ATP1A3: variants seen among roughly 807,000 people sequenced by gnomAD.
ATP1A3 encodes ATPase Na+/K+ transporting subunit alpha 3.
Under a neutral mutation model 108.8 loss-of-function variants are expected in ATP1A3, and 12 were observed. The ratio of observed to expected loss-of-function variants is 0.11; its 90% CI spans 0.07 to 0.18. The LOEUF is 0.18. Ranked by LOEUF, ATP1A3 falls within the 10% of genes least tolerant of loss-of-function variation. ATP1A3 has a pLI of 1.00. For missense variants in ATP1A3, 498 were observed against 1,387.7 expected, an observed-to-expected ratio of 0.36 and a Z score of 10.19; for synonymous variants, 539 against 564.5, an observed-to-expected ratio of 0.95 and a Z score of 0.64.
At chr19:41,972,252 A>T (rs1161263702) in intron 16 of ATP1A3, among the ~76,000 whole-genome samples, 1 of 151,890 alleles carries the variant, frequency 6.6e-6, no homozygotes, top group Non-Finnish European at 1.5e-5. Flanking sequence ...TCCATCTCAA[A>T]AAAATAAAAT....
chr19:41,981,492 C>T lies in ATP1A3; in HGVS notation c.1437+10G>A. 6.2e-7 allele frequency: 1 copy of T among 1,614,160 alleles called. No individual in the cohort carries two copies. The highest frequency in any genetic ancestry group is 1.1e-5 in the South Asian group (1 of 91,076). ...GGTCCAGGCTGGCTCTCCCGGAAAGCCCAGAGTACCTGGTATTTGTTGGTG... is the reference window on the plus strand; with the variant it reads ...GGTCCAGGCTGGCTCTCCCGGAAAGTCCAGAGTACCTGGTATTTGTTGGTG... On this transcript the variant is annotated intron_variant, in intron 11 of 22. Coordinates refer to ENST00000648268, the MANE Select transcript of ATP1A3 (RefSeq NM_152296.5). This position sits in a 1 kb window ranked among gnomAD's most constrained non-coding sequence, Gnocchi z 5.0.
At chr19:41,975,294 G>A (rs529938196) in intron 16 of ATP1A3, among the ~76,000 whole-genome samples, 1 of 152,268 alleles carries the variant, frequency 6.6e-6, no homozygotes, top group East Asian at 1.9e-4. Context: ...CTCATGATCT[G>A]CCTGCTTCAG....
In ATP1A3 at chr19:41,976,535, C is replaced by G. The variant is rs375193034; in HGVS notation, c.1975G>C (p.Asp659His). 14 of 1,614,058 alleles carry G rather than the reference C, an allele frequency of 8.7e-6. No homozygotes were observed. Among genetic ancestry groups the G allele is most frequent in the South Asian group, 6.6e-5 (6 of 91,062 alleles). ...DAKACVIHGT[D>H]LKDFTSEQID... ...TGCTCGGAGGTGAAGTCCTTGAGGTCGGTGCCGTGGATCACGCAGGCCTTG... is the reference window on the plus strand; with the variant it reads ...TGCTCGGAGGTGAAGTCCTTGAGGTGGGTGCCGTGGATCACGCAGGCCTTG... The change falls in exon 15 of 23, where the codon GAC becomes CAC. Residue 659 changes from aspartate to histidine, a missense_variant. By Grantham distance (81) the Asp-to-His change is moderately conservative (BLOSUM62 -1). Transcript: ENST00000648268.
chr19:41,967,533 G>A lies in ATP1A3; in HGVS notation c.2921+129C>T, dbSNP rs1480762303. The A allele has an allele frequency of 1.3e-5, 16 of 1,192,162 alleles. No individual in the cohort carries two copies. Among genetic ancestry groups the A allele is most frequent in the Non-Finnish European group, 1.8e-5 (15 of 837,640 alleles). 73.8% of individuals were successfully genotyped at this position (1,192,162 alleles called of 1,614,324 possible). ...TGGGAGCAGCCTATGGGGGAGGCTCGGGGGCATCAGAATGGGGACTGCAGT... is the reference window on the plus strand; with the variant it reads ...TGGGAGCAGCCTATGGGGGAGGCTCAGGGGCATCAGAATGGGGACTGCAGT... On this transcript the variant is annotated intron_variant, in intron 21 of 22. Coordinates refer to ENST00000648268, the MANE Select transcript of ATP1A3 (RefSeq NM_152296.5). The surrounding 1 kb of genome is among the most constrained non-coding windows in gnomAD (Gnocchi z 4.2).
At position 41,988,564 on chromosome 19, in the gene ATP1A3, T is replaced by G. The variant is rs1555866356; in HGVS notation, c.7-2A>C. The stretch of plus-strand genomic sequence containing the variant: ...TGAGTCCTTGTCATCTTTCTTGTCC[T>G]GCGAGGTGGCGATACGATAGCTGTC... On this transcript the variant is annotated splice_acceptor_variant, in intron 1 of 22. Coordinates refer to ENST00000648268, the MANE Select transcript of ATP1A3 (RefSeq NM_152296.5). LOFTEE classifies it high-confidence loss of function. The surrounding 1 kb of genome is among the most constrained non-coding windows in gnomAD (Gnocchi z 5.3). The G allele has an allele frequency of 2.5e-6, 4 of 1,614,132 alleles. No homozygotes were observed. Among genetic ancestry groups the G allele is most frequent in the Non-Finnish European group, 3.4e-6 (4 of 1,180,032 alleles).
chr19:41,975,913 C>T, intron 15 of ATP1A3, 116 bp from the exon 16 acceptor site: 1 of 1,382,402 alleles, frequency 7.2e-7, no homozygotes. Context: ...AAGTTCAGGT[C>T]CCCAACCTCC....
chr19:41,981,731 A>C lies in ATP1A3; in HGVS notation c.1293T>G (p.Pro431=). The C allele has an allele frequency of 6.2e-7, 1 of 1,614,208 alleles. No individual in the cohort carries two copies. Residue 431 remains proline (P), a synonymous_variant, in exon 10 of 23, where the codon CCT becomes CCG. Coordinates refer to ENST00000648268, the MANE Select transcript of ATP1A3 (RefSeq NM_152296.5). The surrounding 1 kb of genome is among the most constrained non-coding windows in gnomAD (Gnocchi z 5.0). The part of the protein sequence containing the change: ...AVFKGGQDNI[P]VLKRDVAGDA... ...CAGTAGCTGAACCCACCTTGAGCACAGGGATGTTGTCCTGACCACCCTTGA... is the reference window on the plus strand; with the variant it reads ...CAGTAGCTGAACCCACCTTGAGCACCGGGATGTTGTCCTGACCACCCTTGA...
intron 15 of ATP1A3, 64 bp downstream of exon 15, chr19:41,976,352 C>A: frequency 6.2e-7 from 1 of 1,605,250 alleles, no homozygotes; most frequent in Non-Finnish European, 8.5e-7. Context: ...GAAACCAGGC[C>A]CCGGCCTCAG....
Position 41,966,858 on chromosome 19 carries a change from T to G in ATP1A3, c.*79A>C, listed in dbSNP as rs1453654778. On this transcript the variant is annotated 3_prime_UTR_variant, in exon 23 of 23. Coordinates refer to ENST00000648268, the MANE Select transcript of ATP1A3 (RefSeq NM_152296.5). Reference sequence around the variant, plus strand: ...GAAGAGAGGGCTCCTCCCCCCAGAATACAAAATTGGGGGGACTGACAGGGG... The same window carrying G: ...GAAGAGAGGGCTCCTCCCCCCAGAAGACAAAATTGGGGGGACTGACAGGGG... 6.5e-7 allele frequency: 1 copy of G among 1,544,508 alleles called. No individual in the cohort carries two copies. Among genetic ancestry groups the G allele is most frequent in the South Asian group, 1.2e-5 (1 of 83,830 alleles).
rs1555859141 is a variant in ATP1A3 at position 41,968,772 on chromosome 19, C to T, written c.2819+13G>A. 1 of 1,613,618 alleles carries T rather than the reference C, an allele frequency of 6.2e-7. No homozygotes were observed. Among genetic ancestry groups the T allele is most frequent in the Non-Finnish European group, 8.5e-7 (1 of 1,179,708 alleles). ...AGATGGCTGTCCAGTCACCATGTGC[C>T]CCCGGCCCTCACTTCATGCCCTGCT... On this transcript the variant is annotated intron_variant, in intron 20 of 22. Coordinates refer to ENST00000648268, the MANE Select transcript of ATP1A3 (RefSeq NM_152296.5). This position sits in a 1 kb window ranked among gnomAD's most constrained non-coding sequence, Gnocchi z 5.0.
At chr19:41,990,080 T>C (rs1319575584) in intron 1 of ATP1A3, among the ~76,000 whole-genome samples, 3 of 152,210 alleles carry the variant, frequency 2.0e-5, no homozygotes, top group Non-Finnish European at 2.9e-5. Context: ...TCTCTGTCTT[T>C]TTCCGTCTTT....
At position 41,984,912 on chromosome 19, in the gene ATP1A3, C is replaced by T. The variant is rs1555864744; in HGVS notation, c.993+6G>A. On this transcript the variant is annotated splice_donor_region_variant and intron_variant, in intron 8 of 22. Transcript: ENST00000648268. ...TCCCCACCCAGACCCAGGAGCCTGG[C>T]CTTACAGTGACAGTGGCCAGCAGAC... The T allele has an allele frequency of 5.6e-6, 9 of 1,611,452 alleles. No individual in the cohort carries two copies. Among genetic ancestry groups the T allele is most frequent in the Non-Finnish European group, 7.6e-6 (9 of 1,178,748 alleles).
chr19:41,982,890 G>T (rs2075248914), intron 8 of ATP1A3, among the ~76,000 whole-genome samples: 1 of 152,134 alleles, frequency 6.6e-6, no homozygotes, highest in Admixed American at 6.6e-5. Context: ...TTACCCTTGG[G>T]TTGGGGGGCA....
intron 1 of ATP1A3, chr19:41,993,653 C>T: frequency 4.6e-6 from 3 of 645,284 alleles, no homozygotes; most frequent in South Asian, 2.0e-5. Flanking sequence ...GCAGGGGGGC[C>T]TCAATAACCC....
chr19:41,980,097 C>T (rs2075213826), intron 11 of ATP1A3, among the ~76,000 whole-genome samples: 2 of 152,260 alleles, frequency 1.3e-5, no homozygotes, highest in South Asian at 4.1e-4. Context: ...GGCCTTTGCA[C>T]AGGCTGTGCC....
At chr19:41,993,895 C>A in intron 1 of ATP1A3, 176 bp downstream of exon 1, 1 of 1,223,700 alleles carries the variant, frequency 8.2e-7, no homozygotes, top group Non-Finnish European at 1.1e-6. Flanking sequence ...ACAGACCCCC[C>A]GCCGCCCCCT....
intron 8 of ATP1A3, chr19:41,984,176 G>C (rs1231322560): frequency 1.3e-5 from 2 of 152,062 alleles, no homozygotes; most frequent in Non-Finnish European, 2.9e-5. Context: ...CAAACTGTTG[G>C]GATTAAAGGC....
At chr19:41,970,042 C>G (rs368727667) in intron 18 of ATP1A3, 143 bp downstream of exon 18, 6 of 1,377,340 alleles carry the variant, frequency 4.4e-6, no homozygotes, top group African/African-American at 1.4e-5. Context: ...GGTGCAGACC[C>G]CCCCCACAGA....
intron 11 of ATP1A3, among the ~76,000 whole-genome samples, chr19:41,979,124 T>C (rs2075203935): frequency 6.6e-6 from 1 of 151,690 alleles, no homozygotes; most frequent in Non-Finnish European, 1.5e-5. Context: ...TGCCTCAGCC[T>C]CCGGAGTAGC....
Sources: allele counts gnomAD v4.1 joint callset (sites outside exome capture counted in the v4.1 genomes callset), GRCh38; gene constraint gnomAD v4.1.1; non-coding constraint Gnocchi (gnomAD v3.1); transcripts MANE v1.5; gene names NCBI Gene and HGNC (gene_info 2026-07-23, HGNC 2026-07-21).